PLXDC2: variants seen among roughly 807,000 people sequenced by gnomAD.
PLXDC2 encodes plexin domain-containing protein 2.
Under a neutral mutation model 68.9 loss-of-function variants are expected in PLXDC2, and 40 were observed. The observed-to-expected ratio is 0.58, with a 90% CI of 0.45 to 0.76. PLXDC2 has a LOEUF of 0.76. Among genes scored for constraint, PLXDC2 ranks in the 30% least tolerant of loss-of-function variants. The pLI, the probability that PLXDC2 is intolerant of heterozygous loss-of-function variation, is 0.00. For synonymous variants in PLXDC2, 243 were observed against 234.2 expected, an observed-to-expected ratio of 1.04 and a Z score of -0.34; for missense variants, 644 against 661.9, an observed-to-expected ratio of 0.97 and a Z score of 0.30.
chr10:20,091,256 C>T (rs1437649169), intron 4 of PLXDC2, among the ~76,000 whole-genome samples: 1 of 152,108 alleles, frequency 6.6e-6, no homozygotes, highest in South Asian at 2.1e-4. Context: ...GCATACCTTT[C>T]CCCCTGTGAA....
intron 9 of PLXDC2, among the ~76,000 whole-genome samples, chr10:20,182,322 C>A (rs1834617098): frequency 6.6e-6 from 1 of 151,980 alleles, no homozygotes; most frequent in Non-Finnish European, 1.5e-5. Context: ...TCTGCCCAAT[C>A]TACACCTATA....
At chr10:20,195,267 C>T (rs111640092) in intron 9 of PLXDC2, among the ~76,000 whole-genome samples, 4 of 152,224 alleles carry the variant, frequency 2.6e-5, no homozygotes, top group African/African-American at 9.6e-5. Flanking sequence ...AAAACTGATC[C>T]TTGAACTCTG....
chr10:20,041,268 G>A (rs1373690669), intron 2 of PLXDC2, among the ~76,000 whole-genome samples: 2 of 152,146 alleles, frequency 1.3e-5, no homozygotes, highest in African/African-American at 2.4e-5. Flanking sequence ...AGAAATATGT[G>A]TGTTGCCTAT....
At chr10:20,111,369 C>A (rs890311362) in intron 4 of PLXDC2, among the ~76,000 whole-genome samples, 1 of 152,138 alleles carries the variant, frequency 6.6e-6, no homozygotes, top group African/African-American at 2.4e-5. Flanking sequence ...TTACACACAC[C>A]AGCAACTAAT....
chr10:19,929,476 T>C (rs887030726), intron 1 of PLXDC2, among the ~76,000 whole-genome samples: 1 of 152,160 alleles, frequency 6.6e-6, no homozygotes, highest in Non-Finnish European at 1.5e-5. Context: ...TTTGTGGAAA[T>C]TTGTCCACAC....
intron 9 of PLXDC2, among the ~76,000 whole-genome samples, chr10:20,180,073 C>T (rs908189647): frequency 3.3e-5 from 5 of 151,978 alleles, no homozygotes; most frequent in Non-Finnish European, 7.4e-5. Flanking sequence ...AAAGTATCAT[C>T]GTTTTGAAAC....
At chr10:19,987,784 T>C (rs1453638144) in intron 1 of PLXDC2, among the ~76,000 whole-genome samples, 4 of 151,768 alleles carry the variant, frequency 2.6e-5, no homozygotes, top group Non-Finnish European at 4.4e-5. Flanking sequence ...CAGGATGGTC[T>C]CGATCGATCT....
At chr10:20,060,925 C>T (rs981819271) in intron 3 of PLXDC2, among the ~76,000 whole-genome samples, 1 of 152,142 alleles carries the variant, frequency 6.6e-6, no homozygotes, top group Non-Finnish European at 1.5e-5. Context: ...GAGCCCAACA[C>T]ATTTGGATTG....
intron 13 of PLXDC2, among the ~76,000 whole-genome samples, chr10:20,255,506 A>C (rs1228618590): frequency 6.6e-6 from 1 of 152,168 alleles, no homozygotes; most frequent in Non-Finnish European, 1.5e-5. Context: ...AACAAATAAT[A>C]AAAACTTTAA....
At chr10:19,834,083 C>A (rs188756587) in intron 1 of PLXDC2, among the ~76,000 whole-genome samples, 2 of 152,116 alleles carry the variant, frequency 1.3e-5, no homozygotes, top group East Asian at 3.9e-4. Context: ...CTTGTTCCTG[C>A]ATGAACTTGC....
At chr10:20,137,261 C>T (rs1476679483) in intron 4 of PLXDC2, among the ~76,000 whole-genome samples, 5 of 152,168 alleles carry the variant, frequency 3.3e-5, no homozygotes, top group Non-Finnish European at 4.4e-5. Flanking sequence ...AACTTTTAAG[C>T]ATTCGTCTTG....
At chr10:19,867,856 C>T (rs1837452391) in intron 1 of PLXDC2, among the ~76,000 whole-genome samples, 2 of 152,082 alleles carry the variant, frequency 1.3e-5, no homozygotes, top group Non-Finnish European at 2.9e-5. Context: ...TAAATGTACC[C>T]TTGAAAAATC....
chr10:20,210,964 G>T (rs1482857477), intron 9 of PLXDC2, among the ~76,000 whole-genome samples: 1 of 152,064 alleles, frequency 6.6e-6, no homozygotes, highest in Admixed American at 6.6e-5. Flanking sequence ...TCTCCCCAGG[G>T]TCAAACTGTT....
At chr10:19,883,114 G>T (rs996927392) in intron 1 of PLXDC2, among the ~76,000 whole-genome samples, 2 of 151,560 alleles carry the variant, frequency 1.3e-5, no homozygotes, top group Non-Finnish European at 2.9e-5. Flanking sequence ...CCGCCACCAC[G>T]CCCGGCTAAT....
At chr10:20,274,807 G>T (rs904804736) in intron 13 of PLXDC2, among the ~76,000 whole-genome samples, 1 of 150,752 alleles carries the variant, frequency 6.6e-6, no homozygotes, top group African/African-American at 2.5e-5. Flanking sequence ...CAAAACCACT[G>T]TGTTTCCCCA....
At chr10:19,920,000 A>C (rs1328626724) in intron 1 of PLXDC2, among the ~76,000 whole-genome samples, 1 of 152,202 alleles carries the variant, frequency 6.6e-6, no homozygotes, top group African/African-American at 2.4e-5. Flanking sequence ...CCAAACACAC[A>C]CTCAAGTAAT....
chr10:19,824,453 T>C (rs531110505), intron 1 of PLXDC2, among the ~76,000 whole-genome samples: 76 of 152,244 alleles, frequency 5.0e-4, no homozygotes, highest in Non-Finnish European at 9.3e-4. Context: ...TAAGGTTGTG[T>C]ATCACTAAGT....
intron 1 of PLXDC2, among the ~76,000 whole-genome samples, chr10:19,976,703 G>A (rs1018304225): frequency 4.6e-5 from 7 of 151,768 alleles, no homozygotes; most frequent in African/African-American, 9.7e-5. Flanking sequence ...AAACTTACTT[G>A]GATTATTTCT....
intron 13 of PLXDC2, among the ~76,000 whole-genome samples, chr10:20,250,033 C>T (rs528146785): frequency 3.9e-5 from 6 of 152,028 alleles, no homozygotes; most frequent in Non-Finnish European, 7.4e-5. Context: ...TTTGGGAGGC[C>T]AAGGCGGGCA....
Sources: allele counts gnomAD v4.1 joint callset (sites outside exome capture counted in the v4.1 genomes callset), GRCh38; gene constraint gnomAD v4.1.1; transcripts MANE v1.5; gene names NCBI Gene and HGNC (gene_info 2026-07-23, HGNC 2026-07-21).